The following CEP85L variants were observed in gnomAD, a reference collection of about 807,000 sequenced individuals.
The protein encoded by CEP85L is centrosomal protein of 85 kDa-like.
CEP85L carries 60 observed loss-of-function variants against 100.3 expected under a neutral mutation model. The observed-to-expected ratio is 0.60, with a 90% CI of 0.49 to 0.74. CEP85L has a LOEUF of 0.74. Among genes scored for constraint, CEP85L ranks in the 30% least tolerant of loss-of-function variants. CEP85L has a pLI of 0.00. For synonymous variants in CEP85L, 319 were observed against 322.7 expected, an observed-to-expected ratio of 0.99 and a Z score of 0.12; for missense variants, 973 against 936.2, an observed-to-expected ratio of 1.04 and a Z score of -0.51.
At chr6:118,575,693 A>C (rs765650964) in intron 2 of CEP85L, among the ~76,000 whole-genome samples, 6 of 152,232 alleles carry the variant, frequency 3.9e-5, no homozygotes, top group Non-Finnish European at 7.3e-5. Flanking sequence ...TCTCAGCTTC[A>C]TCAAGGAACT....
intron 3 of CEP85L, among the ~76,000 whole-genome samples, chr6:118,554,837 A>G (rs1426093973): frequency 5.3e-5 from 8 of 152,176 alleles, no homozygotes; most frequent in Admixed American, 1.3e-4. Context: ...ATAGAACAAC[A>G]TGTGCAAAGA....
At chr6:118,495,311 C>A (rs1311315686) in intron 5 of CEP85L, among the ~76,000 whole-genome samples, 2 of 151,940 alleles carry the variant, frequency 1.3e-5, no homozygotes, top group Admixed American at 6.6e-5. Context: ...TTGGTTGTGT[C>A]CCCACCCAAA....
intron 2 of CEP85L, among the ~76,000 whole-genome samples, chr6:118,600,297 GGGGGTGTGTGTGTGTGTGTGTGTGTGTGT>G (rs1781671979): frequency 1.6e-5 from 1 of 61,282 alleles, no homozygotes; most frequent in African/African-American, 6.6e-5. Context: ...GAGCCTTCCT[GGGGGTGTGTGTGTGTGTGTGTGTGTGTGT>G]GTGTGTGTGT....
intron 12 of CEP85L, among the ~76,000 whole-genome samples, chr6:118,468,073 T>C (rs1304553521): frequency 6.6e-6 from 1 of 152,230 alleles, no homozygotes; most frequent in Non-Finnish European, 1.5e-5. Flanking sequence ...TGAGTGAATA[T>C]ACTTAAACAT....
intron 2 of CEP85L, among the ~76,000 whole-genome samples, chr6:118,610,572 G>A (rs1369789807): frequency 1.3e-5 from 2 of 152,130 alleles, no homozygotes; most frequent in South Asian, 4.1e-4. Flanking sequence ...CTACCCAGCA[G>A]TAACAAGGTG....
intron 1 of CEP85L, among the ~76,000 whole-genome samples, chr6:118,709,018 A>T (rs539783992): frequency 6.6e-6 from 1 of 152,350 alleles, no homozygotes; most frequent in Admixed American, 6.5e-5. Flanking sequence ...GTTCATTAGA[A>T]ACCGGTAATA....
intron 3 of CEP85L, among the ~76,000 whole-genome samples, chr6:118,554,040 GTCAT>G (rs1778701974): frequency 6.6e-6 from 1 of 152,110 alleles, no homozygotes; most frequent in Non-Finnish European, 1.5e-5. Context: ...GCCAGGCATG[GTCAT>G]TCACACTTGT....
intron 2 of CEP85L, among the ~76,000 whole-genome samples, chr6:118,622,606 G>T (rs575264369): frequency 2.0e-5 from 3 of 152,328 alleles, no homozygotes; most frequent in Non-Finnish European, 2.9e-5. Context: ...CTGAGCCTTA[G>T]AACTGGGAGA....
chr6:118,671,740 C>A (rs1285633151), intron 1 of CEP85L, among the ~76,000 whole-genome samples: 2 of 152,104 alleles, frequency 1.3e-5, no homozygotes, highest in Non-Finnish European at 2.9e-5. Context: ...GAGTTCGACA[C>A]CAGCCTGGCC....
chr6:118,689,933 T>A lies in CEP85L; in HGVS notation c.-28+20103A>T, dbSNP rs1776979043. Reference sequence around the variant, plus strand: ...CCTGCCTGCTTTTTTTTTTTTTTTTTAATAGGGCTAGGGTCCCACTATGTT... The same window carrying A: ...CCTGCCTGCTTTTTTTTTTTTTTTTAAATAGGGCTAGGGTCCCACTATGTT... On this transcript the variant is annotated intron_variant, in intron 1 of 13. Transcript: ENST00000368488. 1.3e-5 allele frequency among the ~76,000 whole-genome samples: 2 copies of A among 148,728 alleles called. 1 individual carries two copies. The highest frequency in any genetic ancestry group is 5.1e-5 in the African/African-American group (2 of 39,206).
At chr6:118,700,167 G>A (rs751311511) in intron 1 of CEP85L, among the ~76,000 whole-genome samples, 2 of 152,162 alleles carry the variant, frequency 1.3e-5, no homozygotes, top group Non-Finnish European at 2.9e-5. Flanking sequence ...AGATACCTAT[G>A]CAATTCTTGA....
At chr6:118,510,782 T>C (rs1775920729) in intron 5 of CEP85L, among the ~76,000 whole-genome samples, 2 of 152,294 alleles carry the variant, frequency 1.3e-5, no homozygotes, top group Admixed American at 1.3e-4. Flanking sequence ...CAGCATCATT[T>C]ACAATAACCC....
chr6:118,526,561 T>C (rs1209516307), intron 3 of CEP85L, among the ~76,000 whole-genome samples: 1 of 152,194 alleles, frequency 6.6e-6, no homozygotes, highest in Non-Finnish European at 1.5e-5. Flanking sequence ...GACCACATTA[T>C]TCCACTGCTT....
At chr6:118,700,913 T>A (rs1777383592) in intron 1 of CEP85L, among the ~76,000 whole-genome samples, 1 of 152,132 alleles carries the variant, frequency 6.6e-6, no homozygotes, top group Non-Finnish European at 1.5e-5. Context: ...TACATGCAGG[T>A]TCTGGCCCTG....
At chr6:118,514,156 C>G (rs959571437) in intron 4 of CEP85L, among the ~76,000 whole-genome samples, 1 of 151,944 alleles carries the variant, frequency 6.6e-6, no homozygotes, top group Non-Finnish European at 1.5e-5. Flanking sequence ...AAAGAGATAA[C>G]AGGAATTGTA....
intron 2 of CEP85L, among the ~76,000 whole-genome samples, chr6:118,602,795 C>G (rs1583148050): frequency 6.6e-6 from 1 of 151,480 alleles, no homozygotes; most frequent in East Asian, 1.9e-4. Flanking sequence ...TGATGGAACT[C>G]TGTTCCATAG....
chr6:118,629,774 A>G (rs1210925012), intron 2 of CEP85L, among the ~76,000 whole-genome samples: 1 of 152,212 alleles, frequency 6.6e-6, no homozygotes, highest in African/African-American at 2.4e-5. Flanking sequence ...ACCCTCCTTT[A>G]GCTAAAAGAC....
At chr6:118,610,681 T>C (rs1331891218) in intron 2 of CEP85L, among the ~76,000 whole-genome samples, 2 of 151,664 alleles carry the variant, frequency 1.3e-5, no homozygotes, top group African/African-American at 4.9e-5. Context: ...AACTTTCAAC[T>C]ACAAGACCCA....
intron 3 of CEP85L, among the ~76,000 whole-genome samples, chr6:118,564,746 ATTAAT>A (rs1168787912): frequency 1.3e-5 from 2 of 152,184 alleles, no homozygotes; most frequent in African/African-American, 4.8e-5. Context: ...TTTTTATAGA[ATTAAT>A]TTGTTTCAGA....
Sources: gnomAD v4.1 joint callset for allele counts (sites outside exome capture counted in the v4.1 genomes callset) on GRCh38, gnomAD v4.1.1 for gene constraint, MANE v1.5 for transcripts, NCBI Gene and HGNC (gene_info 2026-07-23, HGNC 2026-07-21) for gene names.